The following TUBGCP3 variants were observed in gnomAD, a reference collection of about 807,000 sequenced individuals.
The protein encoded by TUBGCP3 is tubulin gamma complex component 3, also known as gamma-tubulin complex component 3.
TUBGCP3 carries 50 observed loss-of-function variants against 123.1 expected under a neutral mutation model. That is an observed-to-expected ratio of 0.41 (90% CI 0.32 to 0.51). The LOEUF (loss-of-function observed/expected upper bound fraction) is 0.51. Ranked by LOEUF, TUBGCP3 falls within the 20% of genes least tolerant of loss-of-function variation. The probability of loss-of-function intolerance (pLI) is 0.36; values close to 1 mark genes in which losing one functional copy is unlikely to be tolerated. For synonymous variants in TUBGCP3, 405 were observed against 413.9 expected (o/e 0.98, Z 0.26); for missense variants, 882 against 1,127.0 (o/e 0.78, Z 3.11).
chr13:112,559,443 C>T, intron 3 of TUBGCP3, 44 bp from the exon 4 acceptor site: 1 of 1,451,068 alleles, frequency 6.9e-7, no homozygotes, highest in South Asian at 1.2e-5. Flanking sequence ...TTTTATACTA[C>T]TCTCCAGCCT....
In TUBGCP3 at chr13:112,511,262, C is replaced by G. The variant is rs532494698; in HGVS notation, c.2086+5178G>C. ...GGCCCCTCACAGGGCACTGCTGGCC[C>G]GCGGGCACCTGCCTTTCCTGGTAAG... is the stretch of plus-strand genomic sequence containing the variant. On this transcript the variant is annotated intron_variant, in intron 17 of 21. Coordinates refer to ENST00000261965, the MANE Select transcript of TUBGCP3 (RefSeq NM_006322.6). This position sits in a 1 kb window ranked among gnomAD's most constrained non-coding sequence, Gnocchi z 4.1. Among the ~76,000 whole-genome samples, 2 of 152,282 alleles carry G rather than the reference C, an allele frequency of 1.3e-5. No individual in the cohort carries two copies. The highest frequency in any genetic ancestry group is 4.1e-4 in the South Asian group (2 of 4,826).
chr13:112,501,108 A>G (rs77319960), intron 19 of TUBGCP3, among the ~76,000 whole-genome samples: 4,024 of 152,316 alleles, frequency 0.026, 180 homozygotes, highest in African/African-American at 0.092. Flanking sequence ...TTGGCAAATG[A>G]TAGAAGGATG....
chr13:112,592,053 T>C (rs867590795), upstream of TUBGCP3, among the ~76,000 whole-genome samples: 12 of 152,168 alleles, frequency 7.9e-5, no homozygotes, highest in Admixed American at 2.0e-4. The surrounding 1 kb of genome is among the most constrained non-coding windows in gnomAD (Gnocchi z 4.1). Flanking sequence ...GTGGGCATAG[T>C]GACCGGGTGT....
chr13:112,496,762 G>A (rs1166744711), intron 20 of TUBGCP3, among the ~76,000 whole-genome samples: 11 of 152,086 alleles, frequency 7.2e-5, no homozygotes, highest in African/African-American at 1.7e-4. Context: ...CGAGGCGGGC[G>A]GATCATGAGG....
intron 1 of TUBGCP3, among the ~76,000 whole-genome samples, chr13:112,575,097 G>A (rs1881706291): frequency 6.6e-6 from 1 of 152,206 alleles, no homozygotes; most frequent in Admixed American, 6.5e-5. Flanking sequence ...TGGCAGGCTG[G>A]GGGTTCGGAT....
rs561688929 is a variant in TUBGCP3, at chr13:112,554,072, G to A, written c.951C>T (p.Phe317=). The stretch of plus-strand genomic sequence containing the variant: ...ATGAACGCACCTGCCCGACGAGTCC[G>A]AATGAGCGGTCCAGGCTCCTCTGGT... ...YTDQRSLDRS[F]GLVGQSFCAA... Residue 317 remains phenylalanine, a synonymous_variant, in exon 8 of 22, where the codon TTC becomes TTT. Coordinates refer to ENST00000261965, the MANE Select transcript of TUBGCP3 (RefSeq NM_006322.6). 6.8e-5 allele frequency: 110 copies of A among 1,612,914 alleles called. No homozygotes were observed. Among genetic ancestry groups the A allele is most frequent in the African/African-American group, 1.9e-4 (14 of 74,976 alleles).
intron 1 of TUBGCP3, among the ~76,000 whole-genome samples, chr13:112,574,849 G>T (rs923340854): frequency 6.6e-6 from 1 of 152,146 alleles, no homozygotes; most frequent in Admixed American, 6.5e-5. Context: ...GCACCAGCTG[G>T]GGCTGGGTAA....
chr13:112,519,870 C>A lies in TUBGCP3; in HGVS notation c.1881+16G>T, dbSNP rs377375424. 3.7e-6 allele frequency: 6 copies of A among 1,609,480 alleles called. No homozygotes were observed. In the African/African-American group the frequency reaches 6.7e-5, roughly 18 times the overall value. On this transcript the variant is annotated intron_variant, in intron 15 of 21. Coordinates refer to ENST00000261965, the MANE Select transcript of TUBGCP3 (RefSeq NM_006322.6). This position sits in a 1 kb window ranked among gnomAD's most constrained non-coding sequence, Gnocchi z 6.2. ...CGGTGCCGGGGCGGCGTTCCCAACA[C>A]GCAGAGCCGCAGTACCTCCAGCAGC...
At chr13:112,538,530 C>T (rs1594164071) in intron 11 of TUBGCP3, among the ~76,000 whole-genome samples, 1 of 152,180 alleles carries the variant, frequency 6.6e-6, no homozygotes, top group Non-Finnish European at 1.5e-5. Flanking sequence ...GACCTAAACT[C>T]AAGTTGCTGA....
At chr13:112,592,505 G>A (rs1327868607), upstream of TUBGCP3, among the ~76,000 whole-genome samples, 5 of 152,214 alleles carry the variant, frequency 3.3e-5, no homozygotes, top group East Asian at 9.6e-4. The surrounding 1 kb of genome is among the most constrained non-coding windows in gnomAD (Gnocchi z 4.1). Context: ...TGTCTGTGAA[G>A]ACAGCAGTGA....
upstream of TUBGCP3, among the ~76,000 whole-genome samples, chr13:112,590,636 C>T (rs183775104): frequency 5.1e-4 from 77 of 152,170 alleles, no homozygotes; most frequent in South Asian, 1.9e-3. Flanking sequence ...AAAATTATTC[C>T]GATTTGGGGA....
intron 17 of TUBGCP3, among the ~76,000 whole-genome samples, chr13:112,510,643 C>T (rs949454847): frequency 1.3e-5 from 2 of 152,174 alleles, no homozygotes; most frequent in South Asian, 4.1e-4. Context: ...AGTACTTTCA[C>T]TCAGACTTAA....
intron 11 of TUBGCP3, among the ~76,000 whole-genome samples, chr13:112,544,332 G>A (rs1878803203): frequency 6.6e-6 from 1 of 151,590 alleles, no homozygotes. Context: ...GGCACCTGTA[G>A]TCCCAAGCTA....
chr13:112,578,365 C>T (rs1429804615), intron 1 of TUBGCP3, among the ~76,000 whole-genome samples: 2 of 151,350 alleles, frequency 1.3e-5, no homozygotes, highest in East Asian at 3.9e-4. Context: ...CGAGACCATC[C>T]TGGCTAACAC....
chr13:112,523,690 T>G (rs973005723), intron 13 of TUBGCP3, among the ~76,000 whole-genome samples: 9 of 152,214 alleles, frequency 5.9e-5, no homozygotes, highest in Non-Finnish European at 4.4e-5. Context: ...AAGAGAAGGT[T>G]TGAATCAGTC....
chr13:112,583,098 A>C (rs1481278869), intron 1 of TUBGCP3, among the ~76,000 whole-genome samples: 2 of 152,246 alleles, frequency 1.3e-5, no homozygotes, highest in East Asian at 3.8e-4. Flanking sequence ...GATGATAGTG[A>C]GCAAACTACT....
At chr13:112,555,998 G>C in intron 6 of TUBGCP3, 54 bp downstream of exon 6, 2 of 1,551,652 alleles carry the variant, frequency 1.3e-6, no homozygotes, top group Admixed American at 3.5e-5. Flanking sequence ...AATAAGGAGA[G>C]GCTGAATTCC....
chr13:112,531,852 G>A lies in TUBGCP3; in HGVS notation c.1336-4368C>T, dbSNP rs139293948. Among the ~76,000 whole-genome samples the A allele has an allele frequency of 1.4e-3, 208 of 152,074 alleles. 1 individual carries two copies. In the Middle Eastern group the frequency reaches 0.017, roughly 12 times the overall value. On this transcript the variant is annotated intron_variant, in intron 11 of 21. Transcript: ENST00000261965. ...CAAGGTCAGAATATAATTGCGATAC[G>A]CTTTTATTTTACTAAGGCATTTTCC...
chr13:112,565,106 T>C lies in TUBGCP3; in HGVS notation c.252+5A>G. 1 of 1,613,428 alleles carries C rather than the reference T, an allele frequency of 6.2e-7. No homozygotes were observed. Among genetic ancestry groups the C allele is most frequent in the East Asian group, 2.2e-5 (1 of 44,844 alleles). ...TGCAATGACCTCCAGAATTCTGCAC[T>C]GTACCTGTGAATGAAGTTTTCTGTG... On this transcript the variant is annotated splice_donor_5th_base_variant and intron_variant, in intron 3 of 21. Coordinates refer to ENST00000261965, the MANE Select transcript of TUBGCP3 (RefSeq NM_006322.6).
Sources: allele counts gnomAD v4.1 joint callset (sites outside exome capture counted in the v4.1 genomes callset), GRCh38; gene constraint gnomAD v4.1.1; non-coding constraint Gnocchi (gnomAD v3.1); transcripts MANE v1.5; gene names NCBI Gene and HGNC (gene_info 2026-07-23, HGNC 2026-07-21).